PSMA6: variants seen among roughly 807,000 people sequenced by gnomAD.
The protein encoded by PSMA6 is proteasome subunit alpha type-6.
For synonymous variants in PSMA6, 88 were observed against 97.7 expected (o/e 0.90, Z 0.59); for missense variants, 170 against 294.8 (o/e 0.58, Z 3.10).
intron 1 of PSMA6, among the ~76,000 whole-genome samples, chr14:35,284,016 C>T (rs535343409): frequency 6.6e-6 from 1 of 152,266 alleles, no homozygotes; most frequent in African/African-American, 2.4e-5. Flanking sequence ...AATACAGCTA[C>T]AAGGTTTATC....
chr14:35,291,845 A>AAAAAAC (rs1555335877), upstream of PSMA6, among the ~76,000 whole-genome samples: 8 of 146,446 alleles, frequency 5.5e-5, no homozygotes, highest in African/African-American at 7.6e-5. Context: ...AAAAAAAAAA[A>AAAAAAC]AAGACTAAAA....
intron 4 of PSMA6, among the ~76,000 whole-genome samples, chr14:35,312,199 TAAAAA>T (rs35606504): frequency 2.1e-5 from 2 of 97,424 alleles, no homozygotes; most frequent in Admixed American, 1.1e-4. Context: ...CCTCGTCTCC[TAAAAA>T]AAAAAAAAAA....
At chr14:35,310,110 AGACCCC>A in intron 3 of PSMA6, 1 of 387,754 alleles carries the variant, frequency 2.6e-6, no homozygotes, top group Non-Finnish European at 5.0e-6. Context: ...TGCCAGTCCA[AGACCCC>A]ATCTCTAAAA....
At chr14:35,292,664 T>C (rs2051507920) in intron 1 of PSMA6, 112 bp downstream of exon 1, 2 of 1,518,874 alleles carry the variant, frequency 1.3e-6, no homozygotes, top group Admixed American at 4.3e-5. Flanking sequence ...GGGCTGGAGC[T>C]GGGAAGGGAG....
chr14:35,283,135 T>C (rs2051384784), intron 1 of PSMA6, among the ~76,000 whole-genome samples: 1 of 151,940 alleles, frequency 6.6e-6, no homozygotes, highest in South Asian at 2.1e-4. Flanking sequence ...TGAGCCACCG[T>C]GCCCCACCGA....
At position 35,317,262 on chromosome 14, in the gene PSMA6, G is replaced by T. The variant is rs897244046; in HGVS notation, c.697G>T (p.Ala233Ser). The T allele has an allele frequency of 1.2e-6, 2 of 1,613,002 alleles. No individual in the cohort carries two copies. Among genetic ancestry groups the T allele is most frequent in the Non-Finnish European group, 1.7e-6 (2 of 1,179,438 alleles). ...ENPKFRILTE[A>S]EIDAHLVALA... Reference sequence around the variant, plus strand: ...TTTGCCTTCTAGGATTCTTACAGAAGCAGAGATTGATGCTCACCTTGTTGC... The same window carrying T: ...TTTGCCTTCTAGGATTCTTACAGAATCAGAGATTGATGCTCACCTTGTTGC... Residue 233 changes from alanine (A) to serine (S), a missense_variant, in exon 7 of 7, where the codon GCA becomes TCA. Transcript: ENST00000261479.
chr14:35,291,845 A>AAAAAAAC (rs1555335877), upstream of PSMA6, among the ~76,000 whole-genome samples: 12 of 146,450 alleles, frequency 8.2e-5, no homozygotes, highest in Non-Finnish European at 1.5e-4. Context: ...AAAAAAAAAA[A>AAAAAAAC]AAGACTAAAA....
upstream of PSMA6, among the ~76,000 whole-genome samples, chr14:35,291,002 T>TC (rs1193678879): frequency 6.6e-6 from 1 of 151,916 alleles, no homozygotes; most frequent in Admixed American, 6.6e-5. Context: ...ACATTTTTTT[T>TC]TTTTTATTTA....
intron 6 of PSMA6, chr14:35,314,947 A>ATG (rs59477296): frequency 0.17 from 24,002 of 141,058 alleles, 2,038 homozygotes; most frequent in Middle Eastern, 0.24. Flanking sequence ...CAGTTGCTGG[A>ATG]TGTGTGTGTG....
At chr14:35,307,956 A>G (rs1487171276) in intron 1 of PSMA6, 38 bp from the exon 2 acceptor site, 144 of 1,586,458 alleles carry the variant, frequency 9.1e-5, no homozygotes, top group Non-Finnish European at 1.2e-4. Flanking sequence ...ATCTACAGTA[A>G]TTTATTCCAA....
intron 1 of PSMA6, among the ~76,000 whole-genome samples, chr14:35,303,381 G>A (rs1688658058): frequency 1.3e-5 from 2 of 152,088 alleles, no homozygotes; most frequent in Admixed American, 1.3e-4. Context: ...TAGTGCTCTG[G>A]TTTCTCTCCC....
At chr14:35,280,959 T>G (rs988914607) in intron 1 of PSMA6, among the ~76,000 whole-genome samples, 3 of 152,166 alleles carry the variant, frequency 2.0e-5, no homozygotes, top group Non-Finnish European at 4.4e-5. Flanking sequence ...TTTTAAACTT[T>G]CAAGTTCCTC....
chr14:35,310,122 T>TAA, intron 3 of PSMA6: 13 of 335,224 alleles, frequency 3.9e-5, no homozygotes, highest in Admixed American at 1.1e-4. Context: ...ACCCCATCTC[T>TAA]AAAAAAAAAA....
intron 1 of PSMA6, among the ~76,000 whole-genome samples, chr14:35,302,138 G>C (rs1233932492): frequency 6.6e-6 from 1 of 152,134 alleles, no homozygotes; most frequent in Non-Finnish European, 1.5e-5. Flanking sequence ...CTAGGACATA[G>C]ATATATTTTG....
rs1232799605 is a variant in PSMA6 at position 35,312,085 on chromosome 14, G to T, written c.410-796G>T. On this transcript the variant is annotated intron_variant, in intron 4 of 6. Transcript: ENST00000261479. ...AAAAGGTATATGAAAGTGTTTTTGG[G>T]CCAGGCACAGTGGTGCACACTTATA... Among the ~76,000 whole-genome samples the T allele has an allele frequency of 2.0e-5, 3 of 151,724 alleles. No homozygotes were observed. The East Asian group carries it at 5.8e-4, about 29-fold the overall frequency.
At chr14:35,292,240 G>A, upstream of PSMA6, 4 of 1,234,576 alleles carry the variant, frequency 3.2e-6, no homozygotes, top group South Asian at 5.9e-5. Context: ...AGGCCTGCTT[G>A]GCGCAGGCGC....
upstream of PSMA6, among the ~76,000 whole-genome samples, chr14:35,289,947 CAGAGCAGGAACAAATG>C (rs1408149398): frequency 7.0e-6 from 1 of 143,668 alleles, no homozygotes; most frequent in Admixed American, 7.0e-5. Flanking sequence ...GGCAGAATAG[CAGAGCAGGAACAAATG>C]AAGGCAGAGG....
At chr14:35,311,080 T>G in intron 4 of PSMA6, 185 bp downstream of exon 4, 1 of 554,560 alleles carries the variant, frequency 1.8e-6, no homozygotes, top group Non-Finnish European at 3.1e-6. Flanking sequence ...TCGGGCATTA[T>G]CTTTAAGCTT....
In PSMA6 at chr14:35,310,518, A is replaced by G. The variant is rs558208462; in HGVS notation, c.254-222A>G. ...TGACTGCTGATGAAAGGCTCAGTAT[A>G]AAAGGGGAGTACTGTGTAGAGAGCT... is the stretch of plus-strand genomic sequence containing the variant. On this transcript the variant is annotated intron_variant, in intron 3 of 6. Transcript: ENST00000261479. Among the ~76,000 whole-genome samples the G allele has an allele frequency of 1.4e-4, 21 of 152,322 alleles. No homozygotes were observed. In the South Asian group the frequency reaches 3.9e-3, roughly 29 times the overall value.
Sources: allele counts gnomAD v4.1 joint callset (sites outside exome capture counted in the v4.1 genomes callset), GRCh38; gene constraint gnomAD v4.1.1; transcripts MANE v1.5; gene names NCBI Gene and HGNC (gene_info 2026-07-23, HGNC 2026-07-21).